Variants in FAM227B observed in about 807,000 individuals in gnomAD.
The protein encoded by FAM227B is protein FAM227B.
FAM227B carries 88 observed loss-of-function variants against 73.8 expected under a neutral mutation model. The observed-to-expected ratio is 1.19, with a 90% CI of 1.00 to 1.42. FAM227B has a LOEUF of 1.42. Ranked by LOEUF, FAM227B falls within the 40% of genes most tolerant of loss-of-function variation. The pLI, the probability that FAM227B is intolerant of heterozygous loss-of-function variation, is 0.00. For missense variants in FAM227B, 632 were observed against 590.9 expected (o/e 1.07, Z -0.72); for synonymous variants, 210 against 190.5 (o/e 1.10, Z -0.84).
intron 5 of FAM227B, among the ~76,000 whole-genome samples, chr15:49,586,877 CAG>C: frequency 6.6e-6 from 1 of 152,196 alleles, no homozygotes; most frequent in East Asian, 1.9e-4. Flanking sequence ...CAAAAAATAA[CAG>C]AAGCTGACGA....
At chr15:49,546,754 T>TACAC (rs1555532570) in intron 9 of FAM227B, among the ~76,000 whole-genome samples, 1 of 151,648 alleles carries the variant, frequency 6.6e-6, no homozygotes, top group Non-Finnish European at 1.5e-5. Flanking sequence ...TAAAAAGAAA[T>TACAC]AAAGCCTCCA....
intron 13 of FAM227B, among the ~76,000 whole-genome samples, chr15:49,357,783 A>G (rs1199904526): frequency 6.6e-6 from 1 of 152,128 alleles, no homozygotes; most frequent in Non-Finnish European, 1.5e-5. Flanking sequence ...AGACACAACA[A>G]AAAAAGAGAA....
chr15:49,351,043 T>C (rs998379921), intron 13 of FAM227B, among the ~76,000 whole-genome samples: 4 of 152,194 alleles, frequency 2.6e-5, no homozygotes, highest in Non-Finnish European at 5.9e-5. Context: ...TACTCAACCA[T>C]ACGCTGTGGT....
At chr15:49,616,320 C>G (rs1417263947) in intron 1 of FAM227B, among the ~76,000 whole-genome samples, 3 of 152,174 alleles carry the variant, frequency 2.0e-5, no homozygotes, top group Admixed American at 2.0e-4. Flanking sequence ...TCCATATACA[C>G]ACAGATATTT....
intron 13 of FAM227B, among the ~76,000 whole-genome samples, chr15:49,364,713 A>AT (rs2044824814): frequency 6.6e-6 from 1 of 152,186 alleles, no homozygotes; most frequent in Non-Finnish European, 1.5e-5. Context: ...TTAAACAGTT[A>AT]TTTCTATAAA....
At chr15:49,433,533 C>G (rs140183086) in intron 11 of FAM227B, among the ~76,000 whole-genome samples, 1 of 151,476 alleles carries the variant, frequency 6.6e-6, no homozygotes, top group African/African-American at 2.4e-5. Context: ...GAATTAAAAG[C>G]CTTGCTGAAA....
chr15:49,451,645 A>C lies in FAM227B; in HGVS notation c.1012+56566T>G, dbSNP rs1456856414. 2.6e-5 allele frequency among the ~76,000 whole-genome samples: 4 copies of C among 152,266 alleles called. No individual in the cohort carries two copies. In the East Asian group the frequency reaches 5.8e-4, roughly 22 times the overall value. On this transcript the variant is annotated intron_variant, in intron 11 of 15. Transcript: ENST00000299338. ...ACCTTGATAATTTCAGTAAACATGA[A>C]GTGAAACACAGCACAAGCCAAACTG...
At chr15:49,331,756 A>G (rs1161456086) in intron 15 of FAM227B, 24 bp downstream of exon 15, 1 of 1,430,920 alleles carries the variant, frequency 7.0e-7, no homozygotes, top group Non-Finnish European at 9.9e-7. Context: ...AGAATTCTCA[A>G]TTATTTTCAG....
At chr15:49,376,866 T>C (rs978758236) in intron 11 of FAM227B, among the ~76,000 whole-genome samples, 3 of 152,076 alleles carry the variant, frequency 2.0e-5, no homozygotes, top group Non-Finnish European at 2.9e-5. Flanking sequence ...TTTGTTTTCA[T>C]GGTATTGTAA....
chr15:49,455,445 A>C (rs2053192428), intron 11 of FAM227B, among the ~76,000 whole-genome samples: 1 of 152,214 alleles, frequency 6.6e-6, no homozygotes, highest in Non-Finnish European at 1.5e-5. Flanking sequence ...TGTTTTCTTA[A>C]GTAATAAAAT....
At chr15:49,519,378 G>T (rs2059619985) in intron 10 of FAM227B, among the ~76,000 whole-genome samples, 1 of 152,156 alleles carries the variant, frequency 6.6e-6, no homozygotes, top group African/African-American at 2.4e-5. Flanking sequence ...ACTCTATGTG[G>T]GGACTCTCAC....
Position 49,598,391 on chromosome 15 carries a change from T to C in FAM227B, c.106-8384A>G, listed in dbSNP as rs187501430. Among the ~76,000 whole-genome samples the C allele has an allele frequency of 9.1e-4, 138 of 152,138 alleles. 1 individual carries two copies. The highest frequency in any genetic ancestry group is 1.6e-3 in the Non-Finnish European group (106 of 67,876). ...TTAGAGTTTTGTGTATACAAAATTA[T>C]GTTATCTGCAAGAGACAATTTTACT... On this transcript the variant is annotated intron_variant, in intron 3 of 15. Transcript: ENST00000299338.
At chr15:49,371,914 TAATGAAATAAAATTCACTTATAAATA>T (rs1459594090) in intron 11 of FAM227B, among the ~76,000 whole-genome samples, 10 of 126,636 alleles carry the variant, frequency 7.9e-5, no homozygotes, top group South Asian at 2.8e-4. Flanking sequence ...CACTTATAAA[TAATGAAATAAAATTCACTTATAAATA>T]AATGAAATAA....
At chr15:49,437,056 G>C (rs534915875) in intron 11 of FAM227B, among the ~76,000 whole-genome samples, 55 of 151,538 alleles carry the variant, frequency 3.6e-4, no homozygotes, top group South Asian at 6.2e-4. Context: ...ATTTAACTTG[G>C]TTGTATTTTA....
chr15:49,413,960 C>T (rs1361629531), intron 11 of FAM227B, among the ~76,000 whole-genome samples: 1 of 151,726 alleles, frequency 6.6e-6, no homozygotes, highest in Non-Finnish European at 1.5e-5. Flanking sequence ...TTGAAACATC[C>T]TTCTCCTTTC....
At chr15:49,569,687 C>T (rs2074948473) in intron 8 of FAM227B, among the ~76,000 whole-genome samples, 1 of 151,874 alleles carries the variant, frequency 6.6e-6, no homozygotes, top group Non-Finnish European at 1.5e-5. Context: ...CAATATAGTA[C>T]TATTAATTGT....
Position 49,492,615 on chromosome 15 carries a change from T to G in FAM227B, c.1012+15596A>C, listed in dbSNP as rs138440846. ...CTTTCTTGCTAATAAATCTTCCTAA[T>G]TATCTCCATTCACTGTTTCAAAAAT... On this transcript the variant is annotated intron_variant, in intron 11 of 15. Transcript: ENST00000299338. Among the ~76,000 whole-genome samples, 6 of 152,076 alleles carry G rather than the reference T, an allele frequency of 3.9e-5. No individual in the cohort carries two copies. The East Asian group carries it at 1.2e-3, about 29-fold the overall frequency.
At chr15:49,384,220 C>T (rs11631687) in intron 11 of FAM227B, among the ~76,000 whole-genome samples, 1 of 151,892 alleles carries the variant, frequency 6.6e-6, no homozygotes. Flanking sequence ...CAGTTCAAGC[C>T]GATTTGTGTT....
At chr15:49,421,953 G>C (rs116157778) in intron 11 of FAM227B, among the ~76,000 whole-genome samples, 231 of 152,310 alleles carry the variant, frequency 1.5e-3, no homozygotes, top group African/African-American at 5.4e-3. Context: ...TTTGGCATAT[G>C]AAGAGTAACT....
Sources: gnomAD v4.1 joint callset for allele counts (sites outside exome capture counted in the v4.1 genomes callset) on GRCh38, gnomAD v4.1.1 for gene constraint, MANE v1.5 for transcripts, NCBI Gene and HGNC (gene_info 2026-07-23, HGNC 2026-07-21) for gene names.